Variants in DENND1A observed in about 807,000 individuals in gnomAD.
DENND1A encodes DENN domain containing 1A.
DENND1A carries 51 observed loss-of-function variants against 113.7 expected under a neutral mutation model. The ratio of observed to expected loss-of-function variants is 0.45; its 90% CI spans 0.36 to 0.57. The LOEUF is 0.57. Among genes scored for constraint, DENND1A ranks in the 20% least tolerant of loss-of-function variants. The pLI, the probability that DENND1A is intolerant of heterozygous loss-of-function variation, is 0.00. For synonymous variants in DENND1A, 565 were observed against 570.8 expected (o/e 0.99, Z 0.14); for missense variants, 1,258 against 1,395.9 (o/e 0.90, Z 1.57).
At chr9:123,809,613 A>C (rs1408525582) in intron 2 of DENND1A, among the ~76,000 whole-genome samples, 3 of 152,232 alleles carry the variant, frequency 2.0e-5, no homozygotes, top group Admixed American at 6.5e-5. Flanking sequence ...CAAAAGAAAG[A>C]AAACAATTAT....
intron 11 of DENND1A, among the ~76,000 whole-genome samples, chr9:123,607,997 C>A (rs1255680714): frequency 6.6e-6 from 1 of 152,100 alleles, no homozygotes; most frequent in Admixed American, 6.6e-5. Context: ...CTTTGAATTT[C>A]AATTTTTCAT....
rs1045947193 is a variant in DENND1A at position 123,582,905 on chromosome 9, C to T, written c.867+264G>A. On this transcript the variant is annotated intron_variant, in intron 12 of 23. Coordinates refer to ENST00000394215, the MANE Select transcript of DENND1A (RefSeq NM_001352964.2). The stretch of plus-strand genomic sequence containing the variant: ...GTAGAAACAGGGTTTCACCATGTTG[C>T]CCAGGCTGGTCTCGAACTCCTGACC... Among the ~76,000 whole-genome samples the T allele has an allele frequency of 2.0e-5, 3 of 149,400 alleles. No homozygotes were observed. In the South Asian group the frequency reaches 6.3e-4, roughly 32 times the overall value.
chr9:123,686,915 C>G (rs1396322950), intron 5 of DENND1A, among the ~76,000 whole-genome samples: 2 of 152,142 alleles, frequency 1.3e-5, no homozygotes, highest in Non-Finnish European at 2.9e-5. Context: ...CATTTCCACC[C>G]CAGATCTCTG....
At chr9:123,488,811 T>G (rs889602125) in intron 13 of DENND1A, among the ~76,000 whole-genome samples, 2 of 151,790 alleles carry the variant, frequency 1.3e-5, no homozygotes, top group Admixed American at 6.6e-5. Context: ...CCTCATGCGG[T>G]GCGCTTGAAA....
In DENND1A at chr9:123,679,382, T is replaced by C. The variant is rs1025295959; in HGVS notation, c.303-2593A>G. On this transcript the variant is annotated intron_variant, in intron 5 of 23. Transcript: ENST00000394215. ...TCCTAGCCTACTATAGATGGCACCC[T>C]GGTTCTCACACTCAGCCTCAGCCTC... Among the ~76,000 whole-genome samples the C allele has an allele frequency of 5.9e-5, 9 of 152,192 alleles. No individual in the cohort carries two copies. In the East Asian group the frequency reaches 9.6e-4, roughly 16 times the overall value.
At chr9:123,893,002 TAATAAAGAATAAGAATAAAAAAG>T (rs1200422170) in intron 1 of DENND1A, among the ~76,000 whole-genome samples, 3 of 150,834 alleles carry the variant, frequency 2.0e-5, no homozygotes, top group East Asian at 1.9e-4. Context: ...AGAATAATAA[TAATAAAGAATAAGAATAAAAAAG>T]AATAAAGAAT....
intron 5 of DENND1A, among the ~76,000 whole-genome samples, chr9:123,747,320 A>G (rs10818865): frequency 0.31 from 46,827 of 152,008 alleles, 8,768 homozygotes; most frequent in African/African-American, 0.53. Context: ...AATGAACAAT[A>G]GGACAATTAA....
chr9:123,457,669 CT>C, intron 14 of DENND1A, 123 bp downstream of exon 14: 1 of 945,580 alleles, frequency 1.1e-6, no homozygotes, highest in South Asian at 1.7e-5. Flanking sequence ...TCCCCCTCCC[CT>C]GAGCCTCTTT....
intron 2 of DENND1A, among the ~76,000 whole-genome samples, chr9:123,840,087 T>G (rs1841605282): frequency 9.1e-6 from 1 of 109,652 alleles, no homozygotes; most frequent in Non-Finnish European, 1.9e-5. Flanking sequence ...TTTTGTCTAT[T>G]TTTTTTTTTT....
intron 5 of DENND1A, among the ~76,000 whole-genome samples, chr9:123,681,332 G>A (rs2064439443): frequency 1.4e-5 from 2 of 143,954 alleles, no homozygotes; most frequent in Admixed American, 6.8e-5. Flanking sequence ...GGGGGTCGGG[G>A]GAGGGGAGGG....
rs370726999 is a variant in DENND1A, at chr9:123,423,848, GT to G, written c.1489-12020del. On this transcript the variant is annotated intron_variant, in intron 19 of 23. Transcript: ENST00000394215. ...GCAAGTTTGCAACAAACTGTAAGTG[GT>G]TGGCTAAACAACTGGATGTTCTCCA... Among the ~76,000 whole-genome samples the G allele has an allele frequency of 6.0e-3, 915 of 152,300 alleles. 12 individuals carry two copies. The highest frequency in any genetic ancestry group is 0.021 in the African/African-American group (869 of 41,556).
intron 1 of DENND1A, among the ~76,000 whole-genome samples, chr9:123,911,791 C>A (rs960902907): frequency 1.3e-5 from 2 of 151,772 alleles, no homozygotes; most frequent in Non-Finnish European, 2.9e-5. Context: ...CCTGGGTTCA[C>A]GCCATTCCCC....
chr9:123,486,459 C>G (rs1233070744), intron 13 of DENND1A, among the ~76,000 whole-genome samples: 1 of 152,072 alleles, frequency 6.6e-6, no homozygotes, highest in Non-Finnish European at 1.5e-5. Context: ...TCTGCCTCAG[C>G]TTGATACACA....
At chr9:123,556,718 C>T (rs1448987052) in intron 13 of DENND1A, among the ~76,000 whole-genome samples, 1 of 152,252 alleles carries the variant, frequency 6.6e-6, no homozygotes, top group African/African-American at 2.4e-5. Flanking sequence ...GGAGAACAGG[C>T]CTGTCGGCAA....
At chr9:123,741,884 T>C (rs561889442) in intron 5 of DENND1A, among the ~76,000 whole-genome samples, 30 of 152,234 alleles carry the variant, frequency 2.0e-4, no homozygotes, top group Non-Finnish European at 3.1e-4. Context: ...TGATCATTCC[T>C]ATCAAAAAAG....
intron 1 of DENND1A, among the ~76,000 whole-genome samples, chr9:123,898,675 T>C (rs1851143126): frequency 6.6e-6 from 1 of 152,232 alleles, no homozygotes; most frequent in Non-Finnish European, 1.5e-5. Context: ...GCCAAATGCA[T>C]GTGTTTTTTA....
intron 2 of DENND1A, among the ~76,000 whole-genome samples, chr9:123,827,953 C>T (rs571233517): frequency 6.6e-6 from 1 of 152,084 alleles, no homozygotes; most frequent in Non-Finnish European, 1.5e-5. Flanking sequence ...TTAAAATATA[C>T]CTGGTTTTGA....
intron 1 of DENND1A, among the ~76,000 whole-genome samples, chr9:123,881,817 C>G (rs1588068539): frequency 6.6e-6 from 1 of 152,148 alleles, no homozygotes; most frequent in South Asian, 2.1e-4. Flanking sequence ...GCTTCTGAAC[C>G]CACGACACCA....
At chr9:123,918,470 AGAGG>A (rs1333663562) in intron 1 of DENND1A, among the ~76,000 whole-genome samples, 1 of 147,030 alleles carries the variant, frequency 6.8e-6, no homozygotes, top group African/African-American at 2.5e-5. Context: ...CCTGGGCAAT[AGAGG>A]GAGACTCCGT....
Sources: allele counts gnomAD v4.1 joint callset (sites outside exome capture counted in the v4.1 genomes callset), GRCh38; gene constraint gnomAD v4.1.1; transcripts MANE v1.5; gene names NCBI Gene and HGNC (gene_info 2026-07-23, HGNC 2026-07-21).